TPST1: variants seen among roughly 807,000 people sequenced by gnomAD.
The protein encoded by TPST1 is protein-tyrosine sulfotransferase 1.
A neutral mutation model predicts 34.8 loss-of-function variants in TPST1; 20 were observed. The ratio of observed to expected loss-of-function variants is 0.57; its 90% confidence interval spans 0.40 to 0.84. The LOEUF (loss-of-function observed/expected upper bound fraction) is 0.84. Among genes scored for constraint, TPST1 ranks in the 40% least tolerant of loss-of-function variants. TPST1 has a pLI of 0.00. For missense variants in TPST1, 353 were observed against 455.5 expected, an observed-to-expected ratio of 0.78 and a Z score of 2.05; for synonymous variants, 152 against 159.4, an observed-to-expected ratio of 0.95 and a Z score of 0.35.
chr7:66,239,529 G>T (rs1472097564), intron 1 of TPST1, among the ~76,000 whole-genome samples: 5 of 152,176 alleles, frequency 3.3e-5, no homozygotes, highest in Non-Finnish European at 5.9e-5. Flanking sequence ...TAAATTGTGG[G>T]ATAATAAACT....
In TPST1 at chr7:66,271,533, T is replaced by A. The variant is rs181179159; in HGVS notation, c.846-14978T>A. ...CTTTGACCTACATCTCCCCATTTCC[T>A]CCCATTTCTGCCCCTGGTAACCACC... is the stretch of plus-strand genomic sequence containing the variant. On this transcript the variant is annotated intron_variant, in intron 2 of 5. Transcript: ENST00000304842. 1.3e-3 allele frequency among the ~76,000 whole-genome samples: 196 copies of A among 152,290 alleles called. 1 individual carries two copies. The highest frequency in any genetic ancestry group is 4.5e-3 in the African/African-American group (185 of 41,568).
rs1462629550 is a variant in TPST1, at chr7:66,286,634, G to C, written c.969G>C (p.Lys323Asn). The stretch of plus-strand genomic sequence containing the variant: ...CAGTGATTGCTCCTATGCTTGCCAA[G>C]CTTGGATATGACCCATATGCCAACC... Reference protein sequence around the residue: ...DMAVIAPMLAKLGYDPYANPP... With the variant: ...DMAVIAPMLANLGYDPYANPP... Residue 323 changes from lysine (K) to asparagine (N), a missense_variant, in exon 3 of 6, where the codon AAG becomes AAC. Coordinates refer to ENST00000304842, the MANE Select transcript of TPST1 (RefSeq NM_003596.4). 6.2e-7 allele frequency: 1 copy of C among 1,608,788 alleles called. No homozygotes were observed. Among genetic ancestry groups the C allele is most frequent in the South Asian group, 1.1e-5 (1 of 90,580 alleles).
rs1789103818 is a variant in TPST1, at chr7:66,205,380, C to T, written c.-244C>T. On this transcript the variant is annotated 5_prime_UTR_variant, in exon 1 of 6. Coordinates refer to ENST00000304842, the MANE Select transcript of TPST1 (RefSeq NM_003596.4). This position sits in a 1 kb window ranked among gnomAD's most constrained non-coding sequence, Gnocchi z 5.0. Reference sequence around the variant, plus strand: ...GGTTGCGGGTCGGAACGGCGCTGCTCTGCGGGGCCGGTCCAGGCTGGCAGC... The same window carrying T: ...GGTTGCGGGTCGGAACGGCGCTGCTTTGCGGGGCCGGTCCAGGCTGGCAGC... 6.6e-6 allele frequency: 1 copy of T among 152,356 alleles called. No individual in the cohort carries two copies. Among genetic ancestry groups the T allele is most frequent in the African/African-American group, 2.4e-5 (1 of 41,470 alleles). 9.4% of individuals were successfully genotyped at this position (152,356 alleles called of 1,614,324 possible).
intron 2 of TPST1, among the ~76,000 whole-genome samples, chr7:66,275,464 T>C (rs1472631643): frequency 6.6e-6 from 1 of 152,070 alleles, no homozygotes; most frequent in Non-Finnish European, 1.5e-5. Context: ...AGCCAAGATA[T>C]CAACCCAAGC....
rs145283863 is a variant in TPST1, at chr7:66,254,665, A to G, written c.845+13395A>G. Among the ~76,000 whole-genome samples, 230 of 152,284 alleles carry G rather than the reference A, an allele frequency of 1.5e-3. 1 individual carries two copies. The highest frequency in any genetic ancestry group is 5.3e-3 in the African/African-American group (222 of 41,568). Reference sequence around the variant, plus strand: ...GTGATGCACTCGCCTCAGCCTCCCAAAGCGTTGGGATTATAGGCACAAGCC... The same window carrying G: ...GTGATGCACTCGCCTCAGCCTCCCAGAGCGTTGGGATTATAGGCACAAGCC... On this transcript the variant is annotated intron_variant, in intron 2 of 5. Coordinates refer to ENST00000304842, the MANE Select transcript of TPST1 (RefSeq NM_003596.4).
intron 1 of TPST1, among the ~76,000 whole-genome samples, chr7:66,222,765 G>A (rs1052446832): frequency 6.6e-6 from 1 of 152,122 alleles, no homozygotes; most frequent in South Asian, 2.1e-4. Flanking sequence ...GGTAAAGGTG[G>A]AAGATGAGCA....
chr7:66,222,370 A>G (rs1442341940), intron 1 of TPST1, among the ~76,000 whole-genome samples: 1 of 150,874 alleles, frequency 6.6e-6, no homozygotes, highest in African/African-American at 2.4e-5. Flanking sequence ...TGGGCCACAG[A>G]GTGAGACTCC....
chr7:66,231,029 A>G (rs1429168832), intron 1 of TPST1, among the ~76,000 whole-genome samples: 20 of 152,014 alleles, frequency 1.3e-4, no homozygotes, highest in Admixed American at 6.6e-5. Context: ...TGGTGCGTTT[A>G]CAAACCTTGA....
chr7:66,246,693 CTT>C (rs1016953125), intron 2 of TPST1, among the ~76,000 whole-genome samples: 2 of 152,204 alleles, frequency 1.3e-5, no homozygotes, highest in African/African-American at 4.8e-5. Context: ...ACCAGGGCTG[CTT>C]TGTCAGCTTT....
At chr7:66,261,355 A>G (rs1340960858) in intron 2 of TPST1, among the ~76,000 whole-genome samples, 1 of 148,830 alleles carries the variant, frequency 6.7e-6, no homozygotes, top group African/African-American at 2.5e-5. Context: ...CTTTTATATT[A>G]TCTGAACTCA....
chr7:66,235,259 C>G (rs748606736), intron 1 of TPST1, among the ~76,000 whole-genome samples: 34 of 149,990 alleles, frequency 2.3e-4, no homozygotes, highest in Non-Finnish European at 4.7e-4. Flanking sequence ...GAACTCGGCT[C>G]GCTGCAAGCT....
intron 3 of TPST1, among the ~76,000 whole-genome samples, chr7:66,327,952 T>G (rs1251451254): frequency 6.6e-6 from 1 of 151,406 alleles, no homozygotes; most frequent in Non-Finnish European, 1.5e-5. Flanking sequence ...ATCATACATT[T>G]TGTTTGTCTC....
At chr7:66,201,469 T>A (rs976338916), upstream of TPST1, among the ~76,000 whole-genome samples, 1 of 150,918 alleles carries the variant, frequency 6.6e-6, no homozygotes, top group Non-Finnish European at 1.5e-5. Context: ...GGTGGGCAGA[T>A]CACATGAGGC....
intron 3 of TPST1, among the ~76,000 whole-genome samples, chr7:66,296,230 T>TA (rs1791189148): frequency 6.8e-6 from 1 of 147,004 alleles, no homozygotes; most frequent in African/African-American, 2.5e-5. Flanking sequence ...CCACTGAAAT[T>TA]AAAAAACACC....
At chr7:66,326,374 A>G (rs1005664335) in intron 3 of TPST1, among the ~76,000 whole-genome samples, 1 of 152,212 alleles carries the variant, frequency 6.6e-6, no homozygotes, top group Non-Finnish European at 1.5e-5. Context: ...TGTTTAAAGG[A>G]TAAGTAAAAG....
At chr7:66,355,680 A>T (rs574026191) in intron 4 of TPST1, among the ~76,000 whole-genome samples, 1 of 151,724 alleles carries the variant, frequency 6.6e-6, no homozygotes, top group Non-Finnish European at 1.5e-5. Flanking sequence ...CGGGCAGATC[A>T]CTTGAGATTA....
At chr7:66,237,686 A>G (rs534886245) in intron 1 of TPST1, among the ~76,000 whole-genome samples, 1 of 151,526 alleles carries the variant, frequency 6.6e-6, no homozygotes, top group Non-Finnish European at 1.5e-5. Context: ...CTGAATTTAG[A>G]GTGGTGGGTA....
At chr7:66,295,711 G>A (rs1791178595) in intron 3 of TPST1, among the ~76,000 whole-genome samples, 1 of 152,060 alleles carries the variant, frequency 6.6e-6, no homozygotes, top group African/African-American at 2.4e-5. Flanking sequence ...CACAATCTTG[G>A]CTTACTGCAA....
intron 3 of TPST1, among the ~76,000 whole-genome samples, chr7:66,320,126 T>G (rs1028060985): frequency 1.3e-5 from 2 of 152,178 alleles, no homozygotes; most frequent in African/African-American, 4.8e-5. Context: ...TGTTATTCCT[T>G]GCTGAAATGA....
Sources: allele counts gnomAD v4.1 joint callset (sites outside exome capture counted in the v4.1 genomes callset), GRCh38; gene constraint gnomAD v4.1.1; non-coding constraint Gnocchi (gnomAD v3.1); transcripts MANE v1.5; gene names NCBI Gene and HGNC (gene_info 2026-07-23, HGNC 2026-07-21).